The following KIF6 variants were observed in gnomAD, a reference collection of about 807,000 sequenced individuals.
KIF6 encodes the protein kinesin-like protein KIF6.
Under a neutral mutation model 112.7 loss-of-function variants are expected in KIF6, and 106 were observed. The observed-to-expected ratio is 0.94, with a 90% confidence interval of 0.80 to 1.11. The LOEUF (loss-of-function observed/expected upper bound fraction) is 1.11, where lower values mean the gene tolerates loss of function less well. Among genes scored for constraint, KIF6 ranks in the 50% least tolerant of loss-of-function variants. KIF6 has a pLI of 0.00. For missense variants in KIF6, 929 were observed against 964.0 expected (o/e 0.96, Z 0.48); for synonymous variants, 339 against 339.9 (o/e 1.00, Z 0.03).
At chr6:39,403,515 G>A (rs1293096311) in intron 15 of KIF6, among the ~76,000 whole-genome samples, 2 of 152,168 alleles carry the variant, frequency 1.3e-5, no homozygotes, top group African/African-American at 4.8e-5. Flanking sequence ...GCTGAGTAAT[G>A]TTCTATTGTA....
chr6:39,560,247 C>T (rs1421532346), intron 10 of KIF6, among the ~76,000 whole-genome samples: 5 of 152,156 alleles, frequency 3.3e-5, no homozygotes, highest in Non-Finnish European at 4.4e-5. Flanking sequence ...AAGAATAAAA[C>T]GTAGTGCAAG....
chr6:39,562,250 A>C (rs1212302982), intron 10 of KIF6, among the ~76,000 whole-genome samples: 1 of 152,216 alleles, frequency 6.6e-6, no homozygotes, highest in African/African-American at 2.4e-5. Flanking sequence ...CACACCAAAA[A>C]TCAGTCAAAG....
chr6:39,531,011 T>G (rs1778027561), intron 13 of KIF6, among the ~76,000 whole-genome samples: 1 of 152,100 alleles, frequency 6.6e-6, no homozygotes, highest in East Asian at 1.9e-4. Context: ...TCATCCTATT[T>G]GTAGTTTTGC....
At chr6:39,587,920 A>C (rs1167236550) in intron 7 of KIF6, among the ~76,000 whole-genome samples, 1 of 152,204 alleles carries the variant, frequency 6.6e-6, no homozygotes, top group African/African-American at 2.4e-5. Context: ...AGCAACCTTC[A>C]TTGTACCAAG....
chr6:39,471,912 G>A (rs1466530593), intron 13 of KIF6, among the ~76,000 whole-genome samples: 1 of 152,150 alleles, frequency 6.6e-6, no homozygotes, highest in Non-Finnish European at 1.5e-5. Flanking sequence ...TTTAAATGAA[G>A]CCATTGATGT....
chr6:39,568,882 A>G (rs1354990696), intron 10 of KIF6, among the ~76,000 whole-genome samples: 1 of 152,144 alleles, frequency 6.6e-6, no homozygotes, highest in African/African-American at 2.4e-5. Context: ...AGCAGTCTAT[A>G]TAGGACAGAG....
intron 3 of KIF6, among the ~76,000 whole-genome samples, chr6:39,696,515 C>T (rs976138267): frequency 5.9e-5 from 9 of 152,040 alleles, no homozygotes; most frequent in Non-Finnish European, 1.3e-4. Context: ...GGACTGCCTA[C>T]CTGCAGGTTT....
chr6:39,370,857 C>T (rs1424390256), intron 16 of KIF6, among the ~76,000 whole-genome samples: 2 of 151,976 alleles, frequency 1.3e-5, no homozygotes, highest in Non-Finnish European at 2.9e-5. Context: ...GAGTGCACTA[C>T]TGTCGATTTT....
intron 3 of KIF6, among the ~76,000 whole-genome samples, chr6:39,706,491 G>T (rs1254462891): frequency 6.6e-6 from 1 of 152,174 alleles, no homozygotes; most frequent in Non-Finnish European, 1.5e-5. Flanking sequence ...GCTTTAAGCT[G>T]ATATGTTAGT....
rs1481333003 is a variant in KIF6, at chr6:39,584,417, T to TACAAAAAAAAAAAAAAAAAAAAA, written c.1077+480_1077+481insTTTTTTTTTTTTTTTTTTTTTGT. 3.9e-4 allele frequency among the ~76,000 whole-genome samples: 18 copies of TACAAAAAAAAAAAAAAAAAAAAA among 46,060 alleles called. 7 individuals carry two copies. The highest frequency in any genetic ancestry group is 6.2e-4 in the Non-Finnish European group (10 of 16,108). 30.2% of individuals were successfully genotyped at this position (46,060 alleles called of 152,430 possible). ...TCCAGCCTGAGCAAGACTCTGTCTC[T>TACAAAAAAAAAAAAAAAAAAAAA]AAAAAAAAAAAAAAAAAAAAAAAAA... On this transcript the variant is annotated intron_variant, in intron 9 of 22. Transcript: ENST00000287152.
chr6:39,404,404 G>T (rs1768933309), intron 15 of KIF6, among the ~76,000 whole-genome samples: 1 of 126,532 alleles, frequency 7.9e-6, no homozygotes, highest in Non-Finnish European at 1.7e-5. Flanking sequence ...ATATCCAATT[G>T]TTTTAATATT....
At chr6:39,603,989 G>C (rs11751690) in intron 6 of KIF6, among the ~76,000 whole-genome samples, 11,719 of 152,034 alleles carry the variant, frequency 0.077, 519 homozygotes, top group South Asian at 0.17. Context: ...GATTGAACAG[G>C]ACATTATAAA....
intron 14 of KIF6, among the ~76,000 whole-genome samples, chr6:39,420,308 T>C (rs1374800093): frequency 6.6e-6 from 1 of 152,254 alleles, no homozygotes; most frequent in African/African-American, 2.4e-5. Flanking sequence ...GCTGTAAGGT[T>C]TCTGTGCTGT....
At chr6:39,577,790 C>A (rs78312369) in intron 10 of KIF6, among the ~76,000 whole-genome samples, 2,544 of 152,242 alleles carry the variant, frequency 0.017, 74 homozygotes, top group African/African-American at 0.058. Context: ...TATACAATTC[C>A]TTTTCTTCAG....
intron 13 of KIF6, among the ~76,000 whole-genome samples, chr6:39,530,562 T>C (rs1373669677): frequency 1.3e-5 from 2 of 152,152 alleles, no homozygotes; most frequent in Non-Finnish European, 2.9e-5. Context: ...GCCCCTAACC[T>C]TCCTTGGCCA....
chr6:39,399,829 C>G (rs1396022744), intron 15 of KIF6, among the ~76,000 whole-genome samples: 2 of 152,250 alleles, frequency 1.3e-5, no homozygotes, highest in Admixed American at 6.5e-5. Context: ...AAGCCTCCAA[C>G]AGTACCTTGT....
chr6:39,569,540 A>C (rs62403286), intron 10 of KIF6, among the ~76,000 whole-genome samples: 17,488 of 152,318 alleles, frequency 0.11, 1,214 homozygotes, highest in Middle Eastern at 0.22. Context: ...ACTAAATCAA[A>C]TTAAACTTTT....
intron 13 of KIF6, among the ~76,000 whole-genome samples, chr6:39,462,680 T>C (rs576762513): frequency 1.3e-5 from 2 of 152,096 alleles, no homozygotes; most frequent in African/African-American, 4.8e-5. Flanking sequence ...TGACGAGATA[T>C]CTGAAATGAG....
chr6:39,604,075 C>A (rs189003673), intron 6 of KIF6, among the ~76,000 whole-genome samples: 1 of 152,228 alleles, frequency 6.6e-6, no homozygotes, highest in African/African-American at 2.4e-5. Flanking sequence ...ATTCAGCTTT[C>A]CACTTCAGTT....
Sources: gnomAD v4.1 joint callset for allele counts (sites outside exome capture counted in the v4.1 genomes callset) on GRCh38, gnomAD v4.1.1 for gene constraint, MANE v1.5 for transcripts, NCBI Gene and HGNC (gene_info 2026-07-23, HGNC 2026-07-21) for gene names.